The following FSHR variants were observed in gnomAD, a reference collection of about 807,000 sequenced individuals.
The protein encoded by FSHR is follicle stimulating hormone receptor.
Under a neutral mutation model 52.1 loss-of-function variants are expected in FSHR, and 46 were observed. The observed-to-expected ratio is 0.88, with a 90% CI of 0.70 to 1.13. The LOEUF (loss-of-function observed/expected upper bound fraction) is 1.13, where lower values mean the gene tolerates loss of function less well. Among genes scored for constraint, FSHR ranks in the 50% most tolerant of loss-of-function variants. The probability of loss-of-function intolerance (pLI) is 0.00; values close to 1 mark genes in which losing one functional copy is unlikely to be tolerated. For synonymous variants in FSHR, 399 were observed against 309.6 expected (o/e 1.29, Z -3.03); for missense variants, 964 against 834.6 (o/e 1.16, Z -1.91).
chr2:49,132,964 T>G (rs1572789438), intron 1 of FSHR, among the ~76,000 whole-genome samples: 1 of 63,624 alleles, frequency 1.6e-5, no homozygotes, highest in Non-Finnish European at 2.7e-5. Flanking sequence ...TTATTAAAAC[T>G]CAGTAAAAAA....
chr2:48,975,192 T>C (rs146641208), intron 8 of FSHR, among the ~76,000 whole-genome samples: 65 of 152,242 alleles, frequency 4.3e-4, no homozygotes, highest in African/African-American at 1.5e-3. Flanking sequence ...AAGGAAGATA[T>C]GCCCTCACCC....
intron 2 of FSHR, among the ~76,000 whole-genome samples, chr2:49,054,511 G>A (rs919402338): frequency 2.0e-5 from 3 of 152,142 alleles, no homozygotes; most frequent in Admixed American, 6.5e-5. Flanking sequence ...GTAGCTATGT[G>A]CCTACATCTG....
intron 6 of FSHR, among the ~76,000 whole-genome samples, chr2:48,988,420 G>T (rs1675615637): frequency 6.6e-6 from 1 of 152,160 alleles, no homozygotes; most frequent in African/African-American, 2.4e-5. Context: ...TGCTACAGGG[G>T]CTACTGGCAT....
At chr2:49,084,675 C>T (rs536687220) in intron 1 of FSHR, among the ~76,000 whole-genome samples, 166 of 152,262 alleles carry the variant, frequency 1.1e-3, no homozygotes, top group African/African-American at 3.9e-3. Context: ...CATCACCGAT[C>T]CCACAGAAAT....
rs537137360 is a variant in FSHR, at chr2:49,118,207, T to A, written c.152+36059A>T. ...CTGCAAGAGGGGCTCCCAGCAGGAG[T>A]TGAGAGATGTATTCCCAAGGAGGAA... On this transcript the variant is annotated intron_variant, in intron 1 of 9. Transcript: ENST00000406846. Among the ~76,000 whole-genome samples, 21 of 150,270 alleles carry A rather than the reference T, an allele frequency of 1.4e-4. No individual in the cohort carries two copies. The South Asian group carries it at 4.2e-3, about 30-fold the overall frequency.
rs200808791 is a variant in FSHR, at chr2:48,964,998, A to C, written c.855-1032T>G. Among the ~76,000 whole-genome samples the C allele has an allele frequency of 1.5e-4, 5 of 34,310 alleles. No individual in the cohort carries two copies. In the East Asian group the frequency reaches 8.7e-3, roughly 60 times the overall value. The allele number at this position is 34,310 out of a possible 152,430, so 22.5% of individuals were successfully genotyped here. On this transcript the variant is annotated intron_variant, in intron 9 of 9. Coordinates refer to ENST00000406846, the MANE Select transcript of FSHR (RefSeq NM_000145.4). ...CGTTAGGACCTTTTTGGATGCAAAA[A>C]AAAAAAAAAAATTGTACATACACAT... is the stretch of plus-strand genomic sequence containing the variant.
At chr2:49,073,246 A>T (rs1669815105) in intron 1 of FSHR, among the ~76,000 whole-genome samples, 1 of 152,068 alleles carries the variant, frequency 6.6e-6, no homozygotes, top group Non-Finnish European at 1.5e-5. Context: ...GGTCATCCAA[A>T]TTGGAAAAGA....
chr2:49,133,678 G>A (rs140950818), intron 1 of FSHR, among the ~76,000 whole-genome samples: 2 of 152,048 alleles, frequency 1.3e-5, no homozygotes, highest in Non-Finnish European at 2.9e-5. Context: ...ATACTATAAG[G>A]CTACAATAAC....
At chr2:48,990,972 A>G (rs1379386860) in intron 4 of FSHR, among the ~76,000 whole-genome samples, 1 of 151,682 alleles carries the variant, frequency 6.6e-6, no homozygotes, top group Non-Finnish European at 1.5e-5. Context: ...AATTTCCCCT[A>G]TTTCCAACCT....
intron 8 of FSHR, among the ~76,000 whole-genome samples, chr2:48,972,223 C>G (rs534079972): frequency 6.6e-6 from 1 of 152,120 alleles, no homozygotes; most frequent in African/African-American, 2.4e-5. Context: ...TCTCTCATAC[C>G]CTATATCAAA....
chr2:49,121,276 G>A (rs958187285), intron 1 of FSHR, among the ~76,000 whole-genome samples: 3 of 152,126 alleles, frequency 2.0e-5, no homozygotes, highest in Non-Finnish European at 2.9e-5. Flanking sequence ...GCATACATTT[G>A]GGCAAGTCAT....
intron 1 of FSHR, among the ~76,000 whole-genome samples, chr2:49,082,970 A>G (rs369015563): frequency 1.3e-5 from 2 of 151,860 alleles, no homozygotes; most frequent in South Asian, 2.1e-4. Flanking sequence ...GCAGGCCAAC[A>G]TTCAGATTCA....
intron 4 of FSHR, among the ~76,000 whole-genome samples, chr2:49,015,859 C>T (rs2104205540): frequency 6.6e-6 from 1 of 152,238 alleles, no homozygotes; most frequent in South Asian, 2.1e-4. Context: ...GAGAATGAAA[C>T]CCAGCAGTCC....
chr2:49,130,991 AT>A (rs1484775900), intron 1 of FSHR, among the ~76,000 whole-genome samples: 3 of 152,146 alleles, frequency 2.0e-5, no homozygotes, highest in Non-Finnish European at 4.4e-5. Flanking sequence ...TGATAAATTG[AT>A]TTCTCTGGGA....
chr2:48,971,547 C>G (rs1674742411), intron 8 of FSHR, among the ~76,000 whole-genome samples: 1 of 152,162 alleles, frequency 6.6e-6, no homozygotes, highest in Non-Finnish European at 1.5e-5. Flanking sequence ...ATTTTCAGAA[C>G]AATTACCTTT....
chr2:49,107,242 TC>T (rs2103742078), intron 1 of FSHR, among the ~76,000 whole-genome samples: 1 of 152,230 alleles, frequency 6.6e-6, no homozygotes, highest in East Asian at 1.9e-4. Context: ...TGCTGTTCCC[TC>T]TCCTTGAAAT....
At chr2:48,996,798 T>A (rs1448383126) in intron 4 of FSHR, among the ~76,000 whole-genome samples, 1 of 152,148 alleles carries the variant, frequency 6.6e-6, no homozygotes, top group African/African-American at 2.4e-5. Flanking sequence ...TGCAAAAGTG[T>A]TTCACGTACT....
chr2:48,979,100 G>A (rs531150057), intron 8 of FSHR, among the ~76,000 whole-genome samples: 1 of 152,212 alleles, frequency 6.6e-6, no homozygotes, highest in Admixed American at 6.5e-5. Context: ...CTAGGAAGAT[G>A]TTAGAGATAC....
chr2:49,130,920 A>G (rs1291599166), intron 1 of FSHR, among the ~76,000 whole-genome samples: 4 of 152,174 alleles, frequency 2.6e-5, no homozygotes, highest in Non-Finnish European at 5.9e-5. Context: ...AGCAAAATAA[A>G]CAAAGCCCCA....
Sources: gnomAD v4.1 joint callset for allele counts (sites outside exome capture counted in the v4.1 genomes callset) on GRCh38, gnomAD v4.1.1 for gene constraint, MANE v1.5 for transcripts, NCBI Gene and HGNC (gene_info 2026-07-23, HGNC 2026-07-21) for gene names.